Variants in TENM2 observed in about 807,000 individuals in gnomAD.
TENM2 encodes the protein teneurin-2.
In TENM2, 52 loss-of-function variants were observed where a neutral mutation model predicts 245.2. The ratio of observed to expected loss-of-function variants is 0.21; its 90% CI spans 0.17 to 0.27. The LOEUF is 0.27. Ranked by LOEUF, TENM2 falls within the 10% of genes least tolerant of loss-of-function variation. The pLI, the probability that TENM2 is intolerant of heterozygous loss-of-function variation, is 1.00. For synonymous variants in TENM2, 1,363 were observed against 1,438.9 expected, an observed-to-expected ratio of 0.95 and a Z score of 1.19; for missense variants, 3,046 against 3,666.8, an observed-to-expected ratio of 0.83 and a Z score of 4.37.
At chr5:167,520,772 T>C (rs567377073) in intron 2 of TENM2, among the ~76,000 whole-genome samples, 1 of 151,892 alleles carries the variant, frequency 6.6e-6, no homozygotes, top group South Asian at 2.1e-4. Context: ...TCCTGCTTCC[T>C]CATAATTCAA....
chr5:168,054,534 C>G (rs965704326), intron 6 of TENM2, among the ~76,000 whole-genome samples: 1 of 152,208 alleles, frequency 6.6e-6, no homozygotes, highest in East Asian at 1.9e-4. Context: ...GCTGAGGTGC[C>G]TCCAGAGTTC....
chr5:167,403,756 A>G (rs766644293), intron 2 of TENM2, among the ~76,000 whole-genome samples: 6 of 152,084 alleles, frequency 3.9e-5, no homozygotes, highest in Non-Finnish European at 8.8e-5. Flanking sequence ...CTATGTGATA[A>G]ATTATTCTGA....
chr5:167,892,306 C>A (rs1381955856), intron 3 of TENM2, among the ~76,000 whole-genome samples: 3 of 152,174 alleles, frequency 2.0e-5, no homozygotes, highest in East Asian at 3.8e-4. Flanking sequence ...AAGATATGTG[C>A]CCAACTCATA....
Position 168,238,263 on chromosome 5 carries a change from A to AGAAAG in TENM2, c.5521-6153_5521-6152insGGAAA, listed in dbSNP as rs1562321214. 1.8e-3 allele frequency among the ~76,000 whole-genome samples: 255 copies of AGAAAG among 139,144 alleles called. 21 individuals carry two copies. The highest frequency in any genetic ancestry group is 6.8e-3 in the African/African-American group (218 of 31,996). 91.3% of individuals were successfully genotyped at this position (139,144 alleles called of 152,430 possible). The stretch of plus-strand genomic sequence containing the variant: ...AGAAAAGAAAAGAAAAGAAAAGAAA[A>AGAAAG]GAAAAGAAAAGAAAAGAAAAGAAAA... On this transcript the variant is annotated intron_variant, in intron 25 of 28. Coordinates refer to ENST00000518659, the Ensembl canonical transcript of TENM2.
intron 2 of TENM2, among the ~76,000 whole-genome samples, chr5:167,842,298 A>G (rs868539577): frequency 6.6e-6 from 1 of 152,076 alleles, no homozygotes; most frequent in Non-Finnish European, 1.5e-5. Context: ...CAAAACAAAA[A>G]AAACTTTAGG....
intron 2 of TENM2, among the ~76,000 whole-genome samples, chr5:167,518,858 G>T (rs1359482698): frequency 6.6e-6 from 1 of 152,112 alleles, no homozygotes; most frequent in Admixed American, 6.6e-5. Flanking sequence ...TTGGGAGGAT[G>T]GGGGTACAGA....
At chr5:167,994,698 T>C (rs1248566251) in intron 5 of TENM2, among the ~76,000 whole-genome samples, 1 of 152,218 alleles carries the variant, frequency 6.6e-6, no homozygotes, top group African/African-American at 2.4e-5. Flanking sequence ...GCCGTGTTCA[T>C]CTGGGGCTTT....
intron 2 of TENM2, chr5:167,820,931 CAGG>C (rs1195872748): frequency 6.6e-6 from 1 of 152,198 alleles, no homozygotes; most frequent in East Asian, 1.9e-4. Context: ...GGGATTTTCA[CAGG>C]AGGTCTGCCA....
chr5:167,345,154 C>T (rs1297273828), intron 1 of TENM2, among the ~76,000 whole-genome samples: 2 of 152,164 alleles, frequency 1.3e-5, no homozygotes, highest in East Asian at 3.9e-4. Flanking sequence ...CAAAAGCAGA[C>T]ATCACTAAGA....
At chr5:167,430,527 C>T (rs182386129) in intron 2 of TENM2, among the ~76,000 whole-genome samples, 52 of 152,140 alleles carry the variant, frequency 3.4e-4, no homozygotes, top group Non-Finnish European at 5.7e-4. Context: ...CCGGAGATGG[C>T]GGGGGGTCTG....
intron 2 of TENM2, among the ~76,000 whole-genome samples, chr5:167,394,755 C>T (rs1251924617): frequency 6.6e-6 from 1 of 151,894 alleles, no homozygotes; most frequent in Non-Finnish European, 1.5e-5. Context: ...GCCATCATGC[C>T]CAGCTAATTT....
At chr5:167,584,346 A>T (rs1775326306) in intron 2 of TENM2, among the ~76,000 whole-genome samples, 1 of 152,212 alleles carries the variant, frequency 6.6e-6, no homozygotes, top group African/African-American at 2.4e-5. Context: ...ATCCTATGTA[A>T]ATGAAGACTT....
chr5:167,887,157 C>T (rs948153077), intron 3 of TENM2, among the ~76,000 whole-genome samples: 10 of 152,368 alleles, frequency 6.6e-5, no homozygotes, highest in Admixed American at 4.6e-4. Context: ...TTCAGAATTA[C>T]AGAACAGCTT....
At chr5:167,344,325 T>TAG (rs1554136993) in intron 1 of TENM2, among the ~76,000 whole-genome samples, 318 of 143,520 alleles carry the variant, frequency 2.2e-3, no homozygotes, top group African/African-American at 7.7e-3. Flanking sequence ...TATATATATA[T>TAG]ATATAGATAT....
chr5:167,297,994 G>T (rs1755056230), intron 1 of TENM2, among the ~76,000 whole-genome samples: 1 of 152,180 alleles, frequency 6.6e-6, no homozygotes, highest in Non-Finnish European at 1.5e-5. Flanking sequence ...ATGTGTACGT[G>T]CAGGTCACAG....
chr5:168,141,935 C>T (rs896646377), intron 12 of TENM2, among the ~76,000 whole-genome samples: 2 of 152,158 alleles, frequency 1.3e-5, no homozygotes, highest in African/African-American at 4.8e-5. Flanking sequence ...GCGATTGGAG[C>T]GCTATACTGG....
At chr5:167,146,735 A>G in the TENM2 span, among the ~76,000 whole-genome samples, 10 of 152,170 alleles carry the variant, frequency 6.6e-5, no homozygotes, top group Non-Finnish European at 1.0e-4. Flanking sequence ...ACTAGCCCTT[A>G]TGTCACACTG....
chr5:167,673,935 G>A (rs1339298218), intron 2 of TENM2, among the ~76,000 whole-genome samples: 2 of 152,046 alleles, frequency 1.3e-5, no homozygotes, highest in Non-Finnish European at 2.9e-5. Context: ...ACTGGGAGAG[G>A]ATACAACATG....
intron 25 of TENM2, among the ~76,000 whole-genome samples, chr5:168,236,683 C>T (rs1765451756): frequency 6.6e-6 from 1 of 151,830 alleles, no homozygotes; most frequent in African/African-American, 2.4e-5. Context: ...TGGCCTGTGG[C>T]CTGCCCCTCT....
Sources: allele counts gnomAD v4.1 joint callset (sites outside exome capture counted in the v4.1 genomes callset), GRCh38; gene constraint gnomAD v4.1.1; transcripts MANE v1.5; gene names NCBI Gene and HGNC (gene_info 2026-07-23, HGNC 2026-07-21).